The following LIME1 variants were observed in gnomAD, a reference collection of about 807,000 sequenced individuals.
The protein encoded by LIME1 is lck-interacting transmembrane adapter 1.
In LIME1, 23 loss-of-function variants were observed where a neutral mutation model predicts 18.8. That is an observed-to-expected ratio of 1.22 (90% CI 0.88 to 1.73). LIME1 has a LOEUF of 1.73. Ranked by LOEUF, LIME1 falls within the 40% of genes most tolerant of loss-of-function variation. LIME1 has a pLI of 0.00. For missense variants in LIME1, 423 were observed against 396.8 expected (o/e 1.07, Z -0.56); for synonymous variants, 177 against 182.3 (o/e 0.97, Z 0.23).
upstream of LIME1, chr20:63,736,191 G>A (rs908344336): frequency 1.1e-5 from 3 of 281,278 alleles, no homozygotes; most frequent in African/African-American, 4.5e-5. Flanking sequence ...AGAAGGGTCT[G>A]TGCAGGGCTG....
chr20:63,736,845 C>G (rs2145713132), intron 1 of LIME1, 133 bp downstream of exon 1: 1 of 986,806 alleles, frequency 1.0e-6, no homozygotes, highest in East Asian at 1.1e-4. Context: ...GACCACCCCT[C>G]ACCCCCCAGC....
chr20:63,737,075 C>T, intron 1 of LIME1: 1 of 987,948 alleles, frequency 1.0e-6, no homozygotes, highest in Non-Finnish European at 1.2e-6. Flanking sequence ...CTCCTGCTGA[C>T]CAGCCTCCAG....
chr20:63,737,591 T>C lies in LIME1; in HGVS notation c.42T>C (p.Val14=). 6.2e-7 allele frequency: 1 copy of C among 1,604,566 alleles called. No individual in the cohort carries two copies. Among genetic ancestry groups the C allele is most frequent in the Non-Finnish European group, 8.5e-7 (1 of 1,176,936 alleles). ...CCTGGGCCCCTCCTGCCCTCTGGGTTCTAGGGTGCTGCGCCCTGCTCCTCT... is the reference window on the plus strand; with the variant it reads ...CCTGGGCCCCTCCTGCCCTCTGGGTCCTAGGGTGCTGCGCCCTGCTCCTCT... The part of the protein sequence containing the change: ...PVSWAPPALW[V]LGCCALLLSL... The change falls in exon 2 of 6, where the codon GTT becomes GTC. Residue 14 remains valine (V), a synonymous_variant. Transcript: ENST00000309546.
In LIME1 at chr20:63,738,043, G is replaced by A. The variant is rs1237182012; in HGVS notation, c.251G>A (p.Gly84Asp). ...SDTRLHELHRGPRSSRALRPA... is the reference protein window; with the variant it reads ...SDTRLHELHRDPRSSRALRPA... Reference sequence around the variant, plus strand: ...ACCAGACTGCACGAGCTGCACCGGGGCCCGCGCAGCAGCAGGGGTGAGCAG... The same window carrying A: ...ACCAGACTGCACGAGCTGCACCGGGACCCGCGCAGCAGCAGGGGTGAGCAG... The change falls in exon 4 of 6, where the codon GGC becomes GAC. Residue 84 changes from glycine to aspartate, a missense_variant. Coordinates refer to ENST00000309546, the MANE Select transcript of LIME1 (RefSeq NM_017806.4). 1.3e-6 allele frequency: 2 copies of A among 1,550,356 alleles called. No homozygotes were observed. Among genetic ancestry groups the A allele is most frequent in the South Asian group, 2.3e-5 (2 of 85,322 alleles).
At position 63,737,646 on chromosome 20, in the gene LIME1, A is replaced by G; in HGVS notation, c.97A>G (p.Arg33Gly). ...GTGGGCGCTGTGCACAGCCTGCCGCAGGTAGGTCCCTCAGCCGCGTTCTGT... is the reference window on the plus strand; with the variant it reads ...GTGGGCGCTGTGCACAGCCTGCCGCGGGTAGGTCCCTCAGCCGCGTTCTGT... ...SLWALCTACR[R>G]PEDAVAPRKR... Residue 33 changes from arginine to glycine, a missense_variant and splice_region_variant, in exon 2 of 6, where the codon AGG becomes GGG. Physicochemically the swap from Arg to Gly is moderately radical, Grantham distance 125. Coordinates refer to ENST00000309546, the MANE Select transcript of LIME1 (RefSeq NM_017806.4). The G allele has an allele frequency of 6.3e-7, 1 of 1,583,448 alleles. No homozygotes were observed. Among genetic ancestry groups the G allele is most frequent in the Non-Finnish European group, 8.6e-7 (1 of 1,167,524 alleles).
At chr20:63,735,764 A>C, upstream of LIME1, 1 of 1,584,118 alleles carries the variant, frequency 6.3e-7, no homozygotes, top group South Asian at 1.1e-5. Context: ...CACGCTGACT[A>C]GTGAGCCCCT....
chr20:63,736,995 G>T, intron 1 of LIME1: 1 of 985,908 alleles, frequency 1.0e-6, no homozygotes, highest in Non-Finnish European at 1.2e-6. Flanking sequence ...AGTGGGGTGG[G>T]GGCATCAGCA....
upstream of LIME1, chr20:63,735,785 A>T (rs767605942): frequency 3.6e-5 from 58 of 1,601,868 alleles, no homozygotes; most frequent in Non-Finnish European, 4.8e-5. Context: ...CCGCAGGCAT[A>T]GCGTGGCGTC....
upstream of LIME1, chr20:63,736,059 C>A: frequency 8.0e-7 from 1 of 1,244,232 alleles, no homozygotes; most frequent in East Asian, 2.6e-5. Context: ...CTGCGGGGTC[C>A]CATCTGGACA....
rs761814593 is a variant in LIME1, at chr20:63,738,892, C to G, written c.880C>G (p.Leu294Val). Residue 294 changes from leucine to valine, a missense_variant, in exon 6 of 6, where the codon CTG (leucine) becomes GTG (valine). Transcript: ENST00000309546. ...GGGCTGGAGACCCCTCCCTGCCTCC[C>G]TGCCCTGAACACTCAAGGACCTGTG... ...GRGWRPLPAS[L>V]P 3.1e-6 allele frequency: 5 copies of G among 1,598,364 alleles called. No homozygotes were observed. In the South Asian group the frequency reaches 3.4e-5, roughly 11 times the overall value.
intron 1 of LIME1, chr20:63,737,039 C>T (rs1004898140): frequency 8.1e-6 from 8 of 986,572 alleles, no homozygotes; most frequent in Non-Finnish European, 9.6e-6. Flanking sequence ...CTGACCCAGC[C>T]TCCAGCTCCT....
chr20:63,737,254 T>G, intron 1 of LIME1: 1 of 1,201,700 alleles, frequency 8.3e-7, no homozygotes, highest in Non-Finnish European at 1.0e-6. Flanking sequence ...ACAGCTGTCT[T>G]GCCCCTCCTC....
At position 63,737,992 on chromosome 20, in the gene LIME1, A is replaced by G; in HGVS notation, c.200A>G (p.His67Arg). Reference protein sequence around the residue: ...AAEASLLRRTHLCSLSKSDTR... With the variant: ...AAEASLLRRTRLCSLSKSDTR... ...CCCCAGTCCCTACTGAGGCGGACCC[A>G]CCTCTGCTCCCTCAGCAAGTCGGAC... is the stretch of plus-strand genomic sequence containing the variant. The change falls in exon 4 of 6, where the codon CAC becomes CGC. Residue 67 changes from histidine (H) to arginine (R), a missense_variant. By Grantham distance (29) the His-to-Arg change is conservative. Transcript: ENST00000309546. The G allele has an allele frequency of 6.4e-7, 1 of 1,569,228 alleles. No homozygotes were observed. Among genetic ancestry groups the G allele is most frequent in the Non-Finnish European group, 8.6e-7 (1 of 1,160,762 alleles).
chr20:63,736,571 C>T, upstream of LIME1: 4 of 979,608 alleles, frequency 4.1e-6, no homozygotes, highest in Non-Finnish European at 4.9e-6. Context: ...GCGGTGGTGG[C>T]TGCTGCCCAG....
chr20:63,736,351 G>A (rs1017811015), upstream of LIME1: 111 of 181,578 alleles, frequency 6.1e-4, 2 homozygotes, highest in Non-Finnish European at 2.5e-4. Flanking sequence ...TCCAGCGGGC[G>A]AGACGGGCGG....
At chr20:63,736,196 G>A (rs941204827), upstream of LIME1, 12 of 270,110 alleles carry the variant, frequency 4.4e-5, no homozygotes, top group Middle Eastern at 9.2e-3. Flanking sequence ...GGTCTGTGCA[G>A]GGCTGTGGTG....
chr20:63,738,212 C>T lies in LIME1; in HGVS notation c.298C>T (p.Arg100Cys). Residue 100 changes from arginine (R) to cysteine (C), a missense_variant, in exon 5 of 6, where the codon CGC (arginine) becomes TGC (cysteine). Coordinates refer to ENST00000309546, the MANE Select transcript of LIME1 (RefSeq NM_017806.4). Reference sequence around the variant, plus strand: ...GCGGCCTGCCAGCATGGATCTCCTGCGCCCACACTGGCTGGAGGTGTCCAG... The same window carrying T: ...GCGGCCTGCCAGCATGGATCTCCTGTGCCCACACTGGCTGGAGGTGTCCAG... Reference protein sequence around the residue: ...ALRPASMDLLRPHWLEVSRDI... With the variant: ...ALRPASMDLLCPHWLEVSRDI... 1.3e-6 allele frequency: 2 copies of T among 1,589,174 alleles called. No homozygotes were observed. The highest frequency in any genetic ancestry group is 8.5e-7 in the Non-Finnish European group (1 of 1,172,950).
At chr20:63,735,963 G>T, upstream of LIME1, 1 of 1,582,282 alleles carries the variant, frequency 6.3e-7, no homozygotes, top group Non-Finnish European at 8.6e-7. Context: ...CCCCAGCACG[G>T]GCTGCCCTCA....
chr20:63,736,005 C>A (rs141341763), upstream of LIME1: 1,182 of 1,541,244 alleles, frequency 7.7e-4, 33 homozygotes, highest in East Asian at 0.026. Context: ...GAGGGGCCGG[C>A]CTGCTGGCCT....
Sources: gnomAD v4.1 joint callset for allele counts on GRCh38, gnomAD v4.1.1 for gene constraint, MANE v1.5 for transcripts, NCBI Gene and HGNC (gene_info 2026-07-23, HGNC 2026-07-21) for gene names.